The following SCNN1B variants were observed in gnomAD, a reference collection of about 807,000 sequenced individuals.
SCNN1B encodes epithelial sodium channel subunit beta.
A neutral mutation model predicts 65.3 loss-of-function variants in SCNN1B; 46 were observed. That is an observed-to-expected ratio of 0.70 (90% CI 0.56 to 0.90). SCNN1B has a LOEUF of 0.90. SCNN1B is among the 40% of genes least tolerant of loss of function. SCNN1B has a pLI of 0.00. For missense variants in SCNN1B, 751 were observed against 830.5 expected (o/e 0.90, Z 1.18); for synonymous variants, 349 against 330.6 (o/e 1.06, Z -0.60).
chr16:23,305,281 A>C (rs626367), intron 1 of SCNN1B, among the ~76,000 whole-genome samples: 1 of 151,808 alleles, frequency 6.6e-6, no homozygotes, highest in African/African-American at 2.4e-5. Flanking sequence ...GGACTTTTAA[A>C]TTTTTAGATT....
chr16:23,288,488 C>T (rs953947720), intron 2 of SCNN1B, among the ~76,000 whole-genome samples: 1 of 152,148 alleles, frequency 6.6e-6, no homozygotes, highest in Non-Finnish European at 1.5e-5. Flanking sequence ...GCTTTGTGGT[C>T]TCTCATGGTG....
At position 23,295,297 on chromosome 16, in the gene SCNN1B, C is replaced by T. The variant is rs1960980078; in HGVS notation, n.178+11493C>T. 1.3e-5 allele frequency among the ~76,000 whole-genome samples: 2 copies of T among 152,080 alleles called. 1 individual carries two copies. Among genetic ancestry groups the T allele is most frequent in the South Asian group, 4.1e-4 (2 of 4,824 alleles). On this transcript the variant is annotated intron_variant and non_coding_transcript_variant, in intron 2 of 3. Coordinates refer to the SCNN1B transcript ENST00000569789. ...GCAGTGGTGTGATCATAACTCACTG[C>T]AGCCTCCAACTCCTGGGCTCAAGCA...
chr16:23,333,108 AG>A lies in SCNN1B; in HGVS notation c.-8-15481del, dbSNP rs1596844402. Among the ~76,000 whole-genome samples the A allele has an allele frequency of 9.5e-5, 9 of 94,764 alleles. No homozygotes were observed. The East Asian group carries it at 9.8e-4, about 10-fold the overall frequency. 62.2% of individuals were successfully genotyped at this position (94,764 alleles called of 152,430 possible). A position where few individuals can be genotyped will look rare whatever the true frequency, so the allele number is the denominator to read the frequency against. ...GAAGAAGAAAGGGAGGAAGGAAGGA[AG>A]GGAGGGAGGGAGGGAGGGAGGGAGG... On this transcript the variant is annotated intron_variant, in intron 1 of 12. Transcript: ENST00000343070.
chr16:23,324,620 G>A (rs543918943), intron 1 of SCNN1B, among the ~76,000 whole-genome samples: 5 of 152,138 alleles, frequency 3.3e-5, no homozygotes, highest in Non-Finnish European at 5.9e-5. Context: ...TTATTTTTCT[G>A]ACTCTATTCT....
Position 23,378,836 on chromosome 16 carries a change from G to C in SCNN1B, c.1466+69G>C, listed in dbSNP as rs1962969784. 1.5e-5 allele frequency: 21 copies of C among 1,390,684 alleles called. No individual in the cohort carries two copies. In the East Asian group the frequency reaches 4.8e-4, roughly 32 times the overall value. 86.1% of individuals were successfully genotyped at this position (1,390,684 alleles called of 1,614,324 possible). A position where few individuals can be genotyped will look rare whatever the true frequency, so the allele number is the denominator to read the frequency against. ...TCCAGAAACTCGGGGCAGGAGTTTGGACACAGGACAGCTCCTCAGACACAT... is the reference window on the plus strand; with the variant it reads ...TCCAGAAACTCGGGGCAGGAGTTTGCACACAGGACAGCTCCTCAGACACAT... On this transcript the variant is annotated intron_variant, in intron 11 of 12. Transcript: ENST00000343070.
At chr16:23,344,007 G>C (rs1213917194) in intron 1 of SCNN1B, among the ~76,000 whole-genome samples, 4 of 152,220 alleles carry the variant, frequency 2.6e-5, no homozygotes, top group Non-Finnish European at 5.9e-5. Flanking sequence ...CAAGGGGCCA[G>C]ACTAGTTAGA....
chr16:23,344,655 C>A (rs1962146559), intron 1 of SCNN1B, among the ~76,000 whole-genome samples: 1 of 152,192 alleles, frequency 6.6e-6, no homozygotes, highest in Non-Finnish European at 1.5e-5. Flanking sequence ...CCTCTTACAG[C>A]CATGATGGCT....
chr16:23,378,331 G>A (rs755308005), intron 10 of SCNN1B, among the ~76,000 whole-genome samples: 5 of 152,222 alleles, frequency 3.3e-5, no homozygotes, highest in Non-Finnish European at 5.9e-5. Context: ...ATGTTAGACC[G>A]AGTGGTCAGG....
chr16:23,349,581 G>A (rs1962265015), intron 2 of SCNN1B, among the ~76,000 whole-genome samples: 2 of 152,076 alleles, frequency 1.3e-5, no homozygotes, highest in Admixed American at 6.6e-5. Context: ...TAGGCTTAGA[G>A]AGAACCTTGG....
At position 23,352,357 on chromosome 16, in the gene SCNN1B, G is replaced by T. The variant is rs146669547; in HGVS notation, c.312-444G>T. On this transcript the variant is annotated intron_variant, in intron 2 of 12. Transcript: ENST00000343070. ...CATGCTGGAGTAGCAGTGTGATATG[G>T]TTGGCTCAGTGTCACCACCCAAATA... Among the ~76,000 whole-genome samples the T allele has an allele frequency of 2.2e-3, 329 of 152,274 alleles. 1 individual carries two copies. Among genetic ancestry groups the T allele is most frequent in the African/African-American group, 7.7e-3 (320 of 41,544 alleles).
chr16:23,304,927 C>T lies in SCNN1B; in HGVS notation c.-9+2490C>T, dbSNP rs117923322. ...GTGATGTAAATAAAATGCTTAGGGACTCATCAGCATCAGTAAGCAGGAAGT... is the reference window on the plus strand; with the variant it reads ...GTGATGTAAATAAAATGCTTAGGGATTCATCAGCATCAGTAAGCAGGAAGT... On this transcript the variant is annotated intron_variant, in intron 1 of 12. Coordinates refer to ENST00000343070, the MANE Select transcript of SCNN1B (RefSeq NM_000336.3). Among the ~76,000 whole-genome samples the T allele has an allele frequency of 6.3e-3, 954 of 152,224 alleles. 7 individuals carry two copies. Among genetic ancestry groups the T allele is most frequent in the Non-Finnish European group, 9.7e-3 (661 of 68,014 alleles).
At chr16:23,369,323 A>T (rs1378035777) in intron 5 of SCNN1B, among the ~76,000 whole-genome samples, 1 of 152,116 alleles carries the variant, frequency 6.6e-6, no homozygotes, top group African/African-American at 2.4e-5. Context: ...GGCTCAAGCA[A>T]TCTGCCCTCC....
intron 1 of SCNN1B, among the ~76,000 whole-genome samples, chr16:23,332,931 G>A (rs1289102828): frequency 1.1e-4 from 16 of 152,080 alleles, no homozygotes; most frequent in African/African-American, 2.4e-5. Flanking sequence ...TTAGCTGGAC[G>A]CGGCGGCAGG....
chr16:23,363,824 A>G (rs1045728862), intron 4 of SCNN1B, among the ~76,000 whole-genome samples: 1 of 151,902 alleles, frequency 6.6e-6, no homozygotes, highest in Non-Finnish European at 1.5e-5. Flanking sequence ...TACCAAAAAA[A>G]AAAAGGAAGC....
intron 2 of SCNN1B, among the ~76,000 whole-genome samples, 171 bp downstream of exon 2, chr16:23,349,081 C>T (rs1443106752): frequency 6.6e-6 from 1 of 150,618 alleles, no homozygotes; most frequent in Non-Finnish European, 1.5e-5. Context: ...TTCCTTCCTT[C>T]TTCTTCCCTT....
At chr16:23,378,846 A>T in intron 11 of SCNN1B, 79 bp downstream of exon 11, 1 of 1,305,156 alleles carries the variant, frequency 7.7e-7, no homozygotes, top group South Asian at 1.2e-5. Context: ...GACACAGGAC[A>T]GCTCCTCAGA....
chr16:23,355,552 G>T, intron 4 of SCNN1B, 63 bp downstream of exon 4: 3 of 1,547,248 alleles, frequency 1.9e-6, no homozygotes, highest in Non-Finnish European at 2.7e-6. Flanking sequence ...GCATGTTACG[G>T]TTGGGAGCAC....
intron 1 of SCNN1B, among the ~76,000 whole-genome samples, chr16:23,324,769 T>C (rs1467359231): frequency 6.6e-6 from 1 of 152,160 alleles, no homozygotes; most frequent in African/African-American, 2.4e-5. Flanking sequence ...GCCTCCAGCA[T>C]TGGCAGGGAG....
In SCNN1B at chr16:23,378,206, C is replaced by T. The variant is rs111483074; in HGVS notation, c.1405-500C>T. 3.2e-3 allele frequency among the ~76,000 whole-genome samples: 489 copies of T among 152,220 alleles called. 4 individuals are homozygous for T. The highest frequency in any genetic ancestry group is 0.011 in the African/African-American group (461 of 41,524). On this transcript the variant is annotated intron_variant, in intron 10 of 12. Coordinates refer to ENST00000343070, the MANE Select transcript of SCNN1B (RefSeq NM_000336.3). ...TAAACTTTTTGTAGAGATGGAGTCT[C>T]GCTATGTTGCCCAGGCTGGTCTTGA...
Sources: allele counts gnomAD v4.1 joint callset (sites outside exome capture counted in the v4.1 genomes callset), GRCh38; gene constraint gnomAD v4.1.1; transcripts MANE v1.5; gene names NCBI Gene and HGNC (gene_info 2026-07-23, HGNC 2026-07-21).